Variants in PAFAH1B1 observed in about 807,000 individuals in gnomAD.
PAFAH1B1 encodes the protein platelet-activating factor acetylhydrolase IB subunit beta.
In PAFAH1B1, 2 loss-of-function variants were observed where a neutral mutation model predicts 57.5. That is an observed-to-expected ratio of 0.03 (90% confidence interval 0.01 to 0.11). PAFAH1B1 has a LOEUF of 0.11. Ranked by LOEUF, PAFAH1B1 falls within the 10% of genes least tolerant of loss-of-function variation. The pLI is 1.00. For synonymous variants in PAFAH1B1, 152 were observed against 169.6 expected, an observed-to-expected ratio of 0.90 and a Z score of 0.81; for missense variants, 257 against 512.0, an observed-to-expected ratio of 0.50 and a Z score of 4.81.
chr17:2,638,518 T>A, intron 2 of PAFAH1B1, 198 bp downstream of exon 2: 1 of 547,126 alleles, frequency 1.8e-6, no homozygotes, highest in East Asian at 3.1e-5. Context: ...TTATTTATTC[T>A]TTCTGAGAAG....
At chr17:2,632,001 C>G (rs1402296151) in intron 1 of PAFAH1B1, among the ~76,000 whole-genome samples, 1 of 152,186 alleles carries the variant, frequency 6.6e-6, no homozygotes, top group Non-Finnish European at 1.5e-5. Context: ...CAATTCAAAG[C>G]CTGTCTTGTT....
chr17:2,669,065 C>G (rs940924752), intron 5 of PAFAH1B1, among the ~76,000 whole-genome samples: 1 of 152,070 alleles, frequency 6.6e-6, no homozygotes, highest in Non-Finnish European at 1.5e-5. Context: ...TAGTCATTCT[C>G]ATTACATATG....
At chr17:2,621,603 CTGTCTT>C (rs1232331716) in intron 1 of PAFAH1B1, among the ~76,000 whole-genome samples, 4 of 87,148 alleles carry the variant, frequency 4.6e-5, no homozygotes, top group African/African-American at 7.5e-5. Flanking sequence ...GGTAGATAAT[CTGTCTT>C]TTTTTTTTTT....
Position 2,681,813 on chromosome 17 carries a change from T to G in PAFAH1B1, c.*11T>G. On this transcript the variant is annotated 3_prime_UTR_variant, in exon 11 of 11. Coordinates refer to ENST00000397195, the MANE Select transcript of PAFAH1B1 (RefSeq NM_000430.4). ...TGGGAGTGCCGTTGATTGTGTCTCCTTCGGCCCCTCCTCCCTCTTTTCCTC... is the reference window on the plus strand; with the variant it reads ...TGGGAGTGCCGTTGATTGTGTCTCCGTCGGCCCCTCCTCCCTCTTTTCCTC... 1 of 1,604,310 alleles carries G rather than the reference T, an allele frequency of 6.2e-7. No homozygotes were observed. The highest frequency in any genetic ancestry group is 8.5e-7 in the Non-Finnish European group (1 of 1,173,118).
At chr17:2,635,543 A>G (rs2068612357) in intron 1 of PAFAH1B1, 1 of 151,170 alleles carries the variant, frequency 6.6e-6, no homozygotes, top group South Asian at 2.1e-4. Context: ...AATTTTTTTT[A>G]CTTGTAGAGA....
At position 2,662,378 on chromosome 17, in the gene PAFAH1B1, T is replaced by TTGTGTGTGTG. The variant is rs57918293; in HGVS notation, c.33-2957_33-2948dup. ...AACCATTTTTATTTTTTTAACCTCT[T>TTGTGTGTGTG]TGTGTGTGTGTGTGTGTGTGTGTGT... On this transcript the variant is annotated intron_variant, in intron 2 of 10. Coordinates refer to ENST00000397195, the MANE Select transcript of PAFAH1B1 (RefSeq NM_000430.4). Among the ~76,000 whole-genome samples, 466 of 123,760 alleles carry TTGTGTGTGTG rather than the reference T, an allele frequency of 3.8e-3. 2 individuals carry two copies. Among genetic ancestry groups the TTGTGTGTGTG allele is most frequent in the East Asian group, 0.012 (45 of 3,724 alleles). 81.2% of individuals were successfully genotyped at this position (123,760 alleles called of 152,430 possible). A position where few individuals can be genotyped will look rare whatever the true frequency, so the allele number is the denominator to read the frequency against.
At chr17:2,665,961 T>C in intron 3 of PAFAH1B1, 55 bp from the exon 4 acceptor site, 1 of 1,362,496 alleles carries the variant, frequency 7.3e-7, no homozygotes. Flanking sequence ...ATGATCTTTG[T>C]CTTGAGGATC....
chr17:2,604,668 G>A (rs1421393500), intron 1 of PAFAH1B1, among the ~76,000 whole-genome samples: 5 of 151,994 alleles, frequency 3.3e-5, no homozygotes, highest in African/African-American at 4.8e-5. Context: ...CAAATTAGCC[G>A]GGCCTGGTGG....
At chr17:2,650,165 C>T (rs201523950) in intron 2 of PAFAH1B1, among the ~76,000 whole-genome samples, 5 of 152,226 alleles carry the variant, frequency 3.3e-5, no homozygotes, top group East Asian at 1.9e-4. Context: ...AGTTTGAGAT[C>T]GGCCTGGGCA....
intron 2 of PAFAH1B1, among the ~76,000 whole-genome samples, chr17:2,661,302 A>G (rs1296777627): frequency 6.6e-6 from 1 of 152,162 alleles, no homozygotes. Flanking sequence ...TGGGTTTTAC[A>G]TGTAAGTCTT....
At chr17:2,652,402 G>A (rs137959765) in intron 2 of PAFAH1B1, among the ~76,000 whole-genome samples, 2,502 of 152,310 alleles carry the variant, frequency 0.016, 25 homozygotes, top group African/African-American at 0.02. Flanking sequence ...GCGGCAGAGC[G>A]AGACTCCGTC....
At chr17:2,639,056 C>T (rs1165693383) in intron 2 of PAFAH1B1, among the ~76,000 whole-genome samples, 5 of 152,020 alleles carry the variant, frequency 3.3e-5, no homozygotes, top group Admixed American at 6.6e-5. Flanking sequence ...ACCGTCAACA[C>T]GCCTGGCTAA....
chr17:2,609,570 T>A (rs2068243299), intron 1 of PAFAH1B1: 1 of 152,228 alleles, frequency 6.6e-6, no homozygotes, highest in Admixed American at 6.6e-5. Flanking sequence ...TGGAGTGCAG[T>A]GGCGCTGTCT....
intron 1 of PAFAH1B1, among the ~76,000 whole-genome samples, chr17:2,624,360 G>A (rs1433067282): frequency 2.6e-5 from 4 of 152,168 alleles, no homozygotes; most frequent in Admixed American, 6.5e-5. Context: ...GCAATTCCGC[G>A]TTCTACTGTT....
At chr17:2,638,549 C>G in intron 2 of PAFAH1B1, 1 of 484,828 alleles carries the variant, frequency 2.1e-6, no homozygotes. Context: ...CTTTTGTCAC[C>G]CAGGCTGGAG....
intron 6 of PAFAH1B1, 30 bp from the exon 7 acceptor site, chr17:2,672,625 T>G (rs1189171701): frequency 7.3e-7 from 1 of 1,370,868 alleles, no homozygotes; most frequent in Non-Finnish European, 1.0e-6. Flanking sequence ...GGTATATTAC[T>G]TCATAATATA....
chr17:2,661,807 T>C (rs2069017523), intron 2 of PAFAH1B1, among the ~76,000 whole-genome samples: 1 of 152,084 alleles, frequency 6.6e-6, no homozygotes, highest in African/African-American at 2.4e-5. Flanking sequence ...TGTAAAATAC[T>C]ATTATTGGCC....
At chr17:2,674,788 A>G (rs2069237044) in intron 8 of PAFAH1B1, among the ~76,000 whole-genome samples, 1 of 152,184 alleles carries the variant, frequency 6.6e-6, no homozygotes, top group Non-Finnish European at 1.5e-5. Flanking sequence ...GTACTAGCTG[A>G]GCCTGGAGTT....
chr17:2,608,265 A>G (rs2068228175), intron 1 of PAFAH1B1, among the ~76,000 whole-genome samples: 1 of 151,970 alleles, frequency 6.6e-6, no homozygotes, highest in Non-Finnish European at 1.5e-5. Context: ...TTGTATTTTT[A>G]GTAGAGATGG....
Sources: gnomAD v4.1 joint callset for allele counts (sites outside exome capture counted in the v4.1 genomes callset) on GRCh38, gnomAD v4.1.1 for gene constraint, MANE v1.5 for transcripts, NCBI Gene and HGNC (gene_info 2026-07-23, HGNC 2026-07-21) for gene names.